The following SCAMP1 variants were observed in gnomAD, a reference collection of about 807,000 sequenced individuals.
SCAMP1 encodes secretory carrier-associated membrane protein 1.
In SCAMP1, 15 loss-of-function variants were observed where a neutral mutation model predicts 41.8. The observed-to-expected ratio is 0.36, with a 90% CI of 0.24 to 0.55. SCAMP1 has a LOEUF of 0.55. SCAMP1 is among the 20% of genes least tolerant of loss of function. SCAMP1 has a pLI of 0.86. For synonymous variants in SCAMP1, 135 were observed against 136.8 expected, an observed-to-expected ratio of 0.99 and a Z score of 0.09; for missense variants, 341 against 412.6, an observed-to-expected ratio of 0.83 and a Z score of 1.50.
chr5:78,362,916 G>A (rs1176984714), intron 1 of SCAMP1, among the ~76,000 whole-genome samples: 1 of 129,724 alleles, frequency 7.7e-6, no homozygotes, highest in Non-Finnish European at 1.6e-5. Context: ...TTTTTGAGAC[G>A]GAGTCTTGCA....
chr5:78,363,370 C>G (rs987324747), intron 1 of SCAMP1, among the ~76,000 whole-genome samples: 1 of 151,672 alleles, frequency 6.6e-6, no homozygotes, highest in Non-Finnish European at 1.5e-5. Context: ...CCGCCACCAC[C>G]GGCTGATTTT....
At chr5:78,425,703 TTTTG>T (rs1407139500) in intron 6 of SCAMP1, among the ~76,000 whole-genome samples, 2 of 152,214 alleles carry the variant, frequency 1.3e-5, no homozygotes, top group Non-Finnish European at 2.9e-5. Context: ...CATTCCTTGA[TTTTG>T]TTTAAGTAGC....
At chr5:78,371,520 A>G (rs1008684764) in intron 1 of SCAMP1, among the ~76,000 whole-genome samples, 1 of 152,192 alleles carries the variant, frequency 6.6e-6, no homozygotes, top group Non-Finnish European at 1.5e-5. Flanking sequence ...AAAAGCCCTC[A>G]TATTTCATGC....
chr5:78,400,440 T>C lies in SCAMP1; in HGVS notation c.135+11526T>C, dbSNP rs74425039. On this transcript the variant is annotated intron_variant, in intron 2 of 8. Coordinates refer to ENST00000621999, the MANE Select transcript of SCAMP1 (RefSeq NM_004866.6). The stretch of plus-strand genomic sequence containing the variant: ...ATTTTGATTGGGATTGCGTTGAATC[T>C]GTAGATCAAGTTGGGAAAACCTGAC... 3.5e-3 allele frequency among the ~76,000 whole-genome samples: 537 copies of C among 152,346 alleles called. 6 individuals carry two copies. The highest frequency in any genetic ancestry group is 0.012 in the African/African-American group (518 of 41,578).
chr5:78,430,713 C>G (rs1752599941), intron 6 of SCAMP1, among the ~76,000 whole-genome samples: 1 of 151,788 alleles, frequency 6.6e-6, no homozygotes. Context: ...GAGGTTTTAA[C>G]CCAGATCTTC....
At chr5:78,391,875 C>T (rs1034749761) in intron 2 of SCAMP1, among the ~76,000 whole-genome samples, 5 of 152,162 alleles carry the variant, frequency 3.3e-5, no homozygotes, top group African/African-American at 4.8e-5. Context: ...GGCGTGGCGG[C>T]GCGCGCCTGC....
intron 6 of SCAMP1, among the ~76,000 whole-genome samples, chr5:78,430,525 G>T (rs887999256): frequency 2.0e-5 from 3 of 151,474 alleles, no homozygotes; most frequent in Non-Finnish European, 4.4e-5. Context: ...CCAAAGCGAA[G>T]TCTCAAACTC....
At chr5:78,462,165 CTTAG>C (rs1374598277) in intron 8 of SCAMP1, among the ~76,000 whole-genome samples, 1 of 150,498 alleles carries the variant, frequency 6.6e-6, no homozygotes, top group Non-Finnish European at 1.5e-5. Context: ...CTTTCACCTT[CTTAG>C]TTAAATGTAT....
intron 6 of SCAMP1, among the ~76,000 whole-genome samples, chr5:78,439,742 A>T (rs144289718): frequency 1.3e-5 from 2 of 152,140 alleles, no homozygotes; most frequent in South Asian, 4.1e-4. Flanking sequence ...TCTGTATTTC[A>T]TGAATTTGAA....
At chr5:78,414,172 G>A (rs925068959) in intron 2 of SCAMP1, among the ~76,000 whole-genome samples, 1 of 151,804 alleles carries the variant, frequency 6.6e-6, no homozygotes, top group Admixed American at 6.6e-5. Context: ...AGGTGGCCGA[G>A]ACTTCCCAGA....
In SCAMP1 at chr5:78,477,780, A is replaced by G. The variant is rs919720673; in HGVS notation, c.*2112A>G. ...GTTTGAGAGAGAAAATTGTTTTTTA[A>G]AAATATATGTGCATTGAAATGATGG... On this transcript the variant is annotated 3_prime_UTR_variant, in exon 9 of 9. Transcript: ENST00000621999. 2 of 152,156 alleles carry G rather than the reference A, an allele frequency of 1.3e-5. No homozygotes were observed. The highest frequency in any genetic ancestry group is 4.8e-5 in the African/African-American group (2 of 41,450). 9.4% of individuals were successfully genotyped at this position (152,156 alleles called of 1,614,324 possible).
chr5:78,459,776 T>C (rs1246150444), intron 8 of SCAMP1, among the ~76,000 whole-genome samples: 3 of 152,226 alleles, frequency 2.0e-5, no homozygotes, highest in Non-Finnish European at 2.9e-5. Context: ...TTTAATTTTT[T>C]ATTATAAATT....
chr5:78,474,154 G>A (rs996654130), intron 8 of SCAMP1, among the ~76,000 whole-genome samples: 1 of 152,040 alleles, frequency 6.6e-6, no homozygotes, highest in Admixed American at 6.6e-5. Flanking sequence ...CTGGGCCTTG[G>A]GGGTCTCTTT....
At chr5:78,423,388 G>A (rs1050158823) in intron 6 of SCAMP1, among the ~76,000 whole-genome samples, 5 of 152,228 alleles carry the variant, frequency 3.3e-5, no homozygotes, top group East Asian at 1.9e-4. Context: ...TATTTTCTTC[G>A]TTATCTAAGC....
At chr5:78,428,062 A>G (rs1031995466) in intron 6 of SCAMP1, among the ~76,000 whole-genome samples, 8 of 152,018 alleles carry the variant, frequency 5.3e-5, no homozygotes, top group African/African-American at 7.2e-5. Context: ...TAATTTAACT[A>G]TTTTTTTGGT....
At chr5:78,373,105 C>T (rs1477602032) in intron 1 of SCAMP1, among the ~76,000 whole-genome samples, 4 of 152,118 alleles carry the variant, frequency 2.6e-5, no homozygotes, top group Admixed American at 6.6e-5. Flanking sequence ...ACCTTCTCCC[C>T]TCTGCTAGTG....
intron 2 of SCAMP1, among the ~76,000 whole-genome samples, chr5:78,401,995 C>T (rs1751811007): frequency 6.6e-6 from 1 of 151,152 alleles, no homozygotes; most frequent in African/African-American, 2.4e-5. Flanking sequence ...GCTTTCACAG[C>T]ATCCCACAAA....
At chr5:78,412,706 TA>T (rs1344457379) in intron 2 of SCAMP1, among the ~76,000 whole-genome samples, 1 of 152,196 alleles carries the variant, frequency 6.6e-6, no homozygotes, top group Admixed American at 6.5e-5. Context: ...GACCTCTTTC[TA>T]TTGCTTGTTC....
At chr5:78,471,126 A>C (rs1300641907) in intron 8 of SCAMP1, among the ~76,000 whole-genome samples, 1 of 152,204 alleles carries the variant, frequency 6.6e-6, no homozygotes, top group Non-Finnish European at 1.5e-5. Context: ...AAGTAAAAGC[A>C]TGTAGGATAT....
Sources: allele counts gnomAD v4.1 joint callset (sites outside exome capture counted in the v4.1 genomes callset), GRCh38; gene constraint gnomAD v4.1.1; transcripts MANE v1.5; gene names NCBI Gene and HGNC (gene_info 2026-07-23, HGNC 2026-07-21).